Variants in CD226 observed in about 807,000 individuals in gnomAD.
CD226 encodes the protein CD226 molecule.
A neutral mutation model predicts 34.9 loss-of-function variants in CD226; 24 were observed. That is an observed-to-expected ratio of 0.69 (90% CI 0.50 to 0.97). The LOEUF (loss-of-function observed/expected upper bound fraction) is 0.97, where lower values mean the gene tolerates loss of function less well. CD226 is among the 50% of genes least tolerant of loss of function. The probability of loss-of-function intolerance (pLI) is 0.00; values close to 1 mark genes in which losing one functional copy is unlikely to be tolerated. For missense variants in CD226, 397 were observed against 412.7 expected (o/e 0.96, Z 0.33); for synonymous variants, 148 against 147.4 (o/e 1.00, Z -0.03).
chr18:69,952,846 T>C (rs896770447), upstream of CD226, among the ~76,000 whole-genome samples: 3 of 152,180 alleles, frequency 2.0e-5, no homozygotes, highest in Non-Finnish European at 2.9e-5. Context: ...AAATAATCTA[T>C]CTGATTATGG....
intron 2 of CD226, among the ~76,000 whole-genome samples, chr18:69,941,944 C>T (rs771116705): frequency 1.1e-4 from 17 of 152,190 alleles, no homozygotes; most frequent in Non-Finnish European, 2.4e-4. Context: ...ATCATGGGGC[C>T]AGTCACCTTC....
intron 3 of CD226, among the ~76,000 whole-genome samples, chr18:69,891,450 C>A (rs1984898088): frequency 1.3e-5 from 2 of 152,144 alleles, no homozygotes; most frequent in Admixed American, 1.3e-4. Context: ...ACTTTCAACA[C>A]CTCTGCTTAA....
At chr18:69,945,351 A>C (rs2145364647) in intron 2 of CD226, among the ~76,000 whole-genome samples, 1 of 152,318 alleles carries the variant, frequency 6.6e-6, no homozygotes, top group South Asian at 2.1e-4. Flanking sequence ...CGAGCAACTA[A>C]CACCAGGTTG....
intron 2 of CD226, among the ~76,000 whole-genome samples, chr18:69,935,446 A>C (rs1402216644): frequency 1.3e-5 from 2 of 152,206 alleles, no homozygotes; most frequent in Admixed American, 6.5e-5. Flanking sequence ...TCTGAGGAGG[A>C]GTCTCAACGT....
chr18:69,954,069 C>T (rs1429668864), intron 1 of CD226, among the ~76,000 whole-genome samples: 1 of 151,962 alleles, frequency 6.6e-6, no homozygotes, highest in African/African-American at 2.4e-5. Context: ...GTGAATTTCA[C>T]CTCAATTTTT....
intron 3 of CD226, among the ~76,000 whole-genome samples, chr18:69,876,156 T>C (rs1983851208): frequency 6.6e-6 from 1 of 152,228 alleles, no homozygotes; most frequent in Non-Finnish European, 1.5e-5. Flanking sequence ...CCAAATTTTC[T>C]AGACGATGTG....
At chr18:69,890,697 T>C (rs1984843025) in intron 3 of CD226, among the ~76,000 whole-genome samples, 1 of 152,070 alleles carries the variant, frequency 6.6e-6, no homozygotes. Context: ...AGTGTGAGTG[T>C]TTTGAGGCAG....
chr18:69,958,051 C>A (rs1042672009), upstream of CD226, among the ~76,000 whole-genome samples: 2 of 152,192 alleles, frequency 1.3e-5, no homozygotes, highest in Admixed American at 6.5e-5. Flanking sequence ...CCTCTTATCC[C>A]TCTCCCATCC....
At chr18:69,896,434 G>A (rs1356138435) in intron 2 of CD226, among the ~76,000 whole-genome samples, 4 of 152,184 alleles carry the variant, frequency 2.6e-5, no homozygotes, top group Non-Finnish European at 5.9e-5. Flanking sequence ...GCCCACCTCG[G>A]CCTCCCAAAG....
At chr18:69,954,602 A>G (rs1444248424) in intron 1 of CD226, among the ~76,000 whole-genome samples, 1 of 151,902 alleles carries the variant, frequency 6.6e-6, no homozygotes, top group Non-Finnish European at 1.5e-5. Context: ...GAACTTCCTC[A>G]CCCAGGATAA....
intron 1 of CD226, among the ~76,000 whole-genome samples, chr18:69,953,123 GAA>G (rs147955500): frequency 0.017 from 2,640 of 152,294 alleles, 30 homozygotes; most frequent in South Asian, 0.037. Context: ...GCGTTGTAAA[GAA>G]ATGTAAAATG....
At chr18:69,949,031 C>T (rs895853129), upstream of CD226, among the ~76,000 whole-genome samples, 2 of 152,036 alleles carry the variant, frequency 1.3e-5, no homozygotes, top group Non-Finnish European at 1.5e-5. Flanking sequence ...CGTGACAATG[C>T]GGGTGTTTCA....
Position 69,864,419 on chromosome 18 carries a change from A to T in CD226, c.906T>A (p.Ser302Arg), listed in dbSNP as rs1983009576. ...TGGTAGGTTGACTGGTAGAGATGGG[A>T]CTTCTATAGTTATTGGGTGCCTAGA... Reference protein sequence around the residue: ...DTQKAPNNYRSPISTSQPTNQ... With the variant: ...DTQKAPNNYRRPISTSQPTNQ... Residue 302 changes from serine to arginine, a missense_variant, in exon 6 of 6, where the codon AGT becomes AGA. Coordinates refer to ENST00000582621, the MANE Select transcript of CD226 (RefSeq NM_001303618.2). 1.2e-6 allele frequency: 2 copies of T among 1,613,460 alleles called. No individual in the cohort carries two copies. The highest frequency in any genetic ancestry group is 1.7e-6 in the Non-Finnish European group (2 of 1,179,618).
At chr18:69,905,564 G>T (rs2055242670) in intron 2 of CD226, among the ~76,000 whole-genome samples, 1 of 152,156 alleles carries the variant, frequency 6.6e-6, no homozygotes, top group Admixed American at 6.6e-5. Context: ...CGGGATTGGT[G>T]GGAGACTCAT....
chr18:69,907,810 G>A (rs1306672073), intron 2 of CD226, among the ~76,000 whole-genome samples: 1 of 152,096 alleles, frequency 6.6e-6, no homozygotes, highest in South Asian at 2.1e-4. Flanking sequence ...ATATAAATAA[G>A]AGAGTATTGC....
Position 69,896,007 on chromosome 18 carries a change from C to T in CD226, c.421G>A (p.Val141Ile). The T allele has an allele frequency of 6.2e-7, 1 of 1,612,824 alleles. No individual in the cohort carries two copies. Among genetic ancestry groups the T allele is most frequent in the Non-Finnish European group, 8.5e-7 (1 of 1,179,818 alleles). Residue 141 changes from valine (V) to isoleucine (I), a missense_variant, in exon 3 of 6, where the codon GTT becomes ATT. Transcript: ENST00000582621. ...GTGACATTCTTTCCAGGTTCCGAAACAATGTGGCTATTTGATGGCACAGCT... is the reference window on the plus strand; with the variant it reads ...GTGACATTCTTTCCAGGTTCCGAAATAATGTGGCTATTTGATGGCACAGCT... ...EAAVPSNSHI[V>I]SEPGKNVTLT...
At chr18:69,876,855 CTTTTTTTT>C (rs10618085) in intron 3 of CD226, among the ~76,000 whole-genome samples, 2 of 64,076 alleles carry the variant, frequency 3.1e-5, no homozygotes, top group African/African-American at 6.4e-5. Flanking sequence ...GCCTCTAGAA[CTTTTTTTT>C]TTTTTTTTTT....
chr18:69,929,607 C>T (rs958226238), intron 2 of CD226, among the ~76,000 whole-genome samples: 4 of 152,144 alleles, frequency 2.6e-5, no homozygotes, highest in East Asian at 1.9e-4. Flanking sequence ...TGTGCATACT[C>T]GTACACCCAT....
At chr18:69,910,423 AATCATGAGTGAAAC>A (rs2055310018) in intron 2 of CD226, among the ~76,000 whole-genome samples, 1 of 152,216 alleles carries the variant, frequency 6.6e-6, no homozygotes, top group Non-Finnish European at 1.5e-5. Flanking sequence ...TTCCCAGTCT[AATCATGAGTGAAAC>A]ATCAGACAAA....
Sources: gnomAD v4.1 joint callset for allele counts (sites outside exome capture counted in the v4.1 genomes callset) on GRCh38, gnomAD v4.1.1 for gene constraint, MANE v1.5 for transcripts, NCBI Gene and HGNC (gene_info 2026-07-23, HGNC 2026-07-21) for gene names.